DUS2: variants seen among roughly 807,000 people sequenced by gnomAD.
DUS2 encodes tRNA-dihydrouridine(20) synthase [NAD(P)+]-like.
In DUS2, 52 loss-of-function variants were observed where a neutral mutation model predicts 71.3. That is an observed-to-expected ratio of 0.73 (90% confidence interval 0.58 to 0.92). DUS2 has a LOEUF of 0.92. Among genes scored for constraint, DUS2 ranks in the 40% least tolerant of loss-of-function variants. The pLI is 0.00. For synonymous variants in DUS2, 204 were observed against 227.8 expected (o/e 0.90, Z 0.94); for missense variants, 558 against 622.6 (o/e 0.90, Z 1.10).
chr16:68,067,422 C>T lies in DUS2; in HGVS notation c.554+786C>T, dbSNP rs1038450098. 6.8e-5 allele frequency among the ~76,000 whole-genome samples: 10 copies of T among 146,846 alleles called. No homozygotes were observed. The East Asian group carries it at 2.0e-3, about 30-fold the overall frequency. On this transcript the variant is annotated intron_variant, in intron 10 of 16. Coordinates refer to ENST00000565263, the MANE Select transcript of DUS2 (RefSeq NM_017803.5). ...TCAGCCTCCCGAGTAGCTGAGATTACAGGTGCGCTCCACCATGCCCAGCTA... is the reference window on the plus strand; with the variant it reads ...TCAGCCTCCCGAGTAGCTGAGATTATAGGTGCGCTCCACCATGCCCAGCTA...
chr16:68,038,528 G>A (rs915514390), intron 3 of DUS2, among the ~76,000 whole-genome samples: 3 of 151,940 alleles, frequency 2.0e-5, no homozygotes, highest in Non-Finnish European at 2.9e-5. Context: ...TCAGGAGTTC[G>A]AGACCAGTCT....
At chr16:68,065,272 TGCAGGCCCCCCTTAA>T (rs2033989262) in intron 8 of DUS2, among the ~76,000 whole-genome samples, 1 of 152,160 alleles carries the variant, frequency 6.6e-6, no homozygotes, top group African/African-American at 2.4e-5. Context: ...TAAAGAGGAA[TGCAGGCCCCCCTTAA>T]GAGCCTTCCT....
At position 68,038,115 on chromosome 16, in the gene DUS2, C is replaced by A; in HGVS notation, c.92C>A (p.Ala31Asp). Residue 31 changes from alanine (A) to aspartate (D), a missense_variant, in exon 3 of 17, where the codon GCC (alanine) becomes GAC (aspartate). Physicochemically the swap from Ala to Asp is moderately radical, Grantham distance 126. Coordinates refer to ENST00000565263, the MANE Select transcript of DUS2 (RefSeq NM_017803.5). ...GGGACTCTTCCAATGAGGCTGCTGG[C>A]CCTGGATTATGGAGCGGACATTGTT... The part of the protein sequence containing the change: ...RVGTLPMRLL[A>D]LDYGADIVYC... 6.2e-7 allele frequency: 1 copy of A among 1,613,850 alleles called. No individual in the cohort carries two copies. The highest frequency in any genetic ancestry group is 8.5e-7 in the Non-Finnish European group (1 of 1,179,928).
At chr16:68,061,184 C>T (rs2033935839) in intron 8 of DUS2, 71 bp downstream of exon 8, 2 of 1,478,700 alleles carry the variant, frequency 1.4e-6, no homozygotes, top group Non-Finnish European at 1.9e-6. Context: ...AGAACGCCTC[C>T]TTCCACCAAT....
At position 68,023,349 on chromosome 16, in the gene DUS2, G is replaced by T; in HGVS notation, c.-101G>T. ...AGGTTCTTTTTAAGAGTTCAGCTGC[G>T]AGGTCTGTAGCTCCGAATAGGGGAT... On this transcript the variant is annotated splice_region_variant and 5_prime_UTR_variant, in exon 1 of 17. Transcript: ENST00000565263. 1 of 984,516 alleles carries T rather than the reference G, an allele frequency of 1.0e-6. No individual in the cohort carries two copies. Among genetic ancestry groups the T allele is most frequent in the Non-Finnish European group, 1.5e-6 (1 of 677,470 alleles). The allele number at this position is 984,516 out of a possible 1,614,324, so 61.0% of individuals were successfully genotyped here.
chr16:68,039,721 C>G (rs1442416445), intron 3 of DUS2, among the ~76,000 whole-genome samples: 1 of 151,036 alleles, frequency 6.6e-6, no homozygotes, highest in African/African-American at 2.4e-5. Flanking sequence ...GTGCCTGGCC[C>G]CCTGTTTCTT....
At chr16:68,027,343 A>T (rs1347072548) in intron 2 of DUS2, among the ~76,000 whole-genome samples, 1 of 151,070 alleles carries the variant, frequency 6.6e-6, no homozygotes, top group African/African-American at 2.4e-5. Flanking sequence ...GGTTCAAGTG[A>T]TTCTCTTGCC....
At chr16:68,026,967 C>A (rs1409507742) in intron 2 of DUS2, 1 of 149,854 alleles carries the variant, frequency 6.7e-6, no homozygotes, top group South Asian at 2.1e-4. Flanking sequence ...CAGATTATTT[C>A]CTAATCAGTA....
At chr16:68,035,893 TATATATATA>T (rs1199742358) in intron 2 of DUS2, among the ~76,000 whole-genome samples, 1 of 4,112 alleles carries the variant, frequency 2.4e-4, no homozygotes, top group Non-Finnish European at 5.0e-3. Context: ...TTTATATATA[TATATATATA>T]TATATATATA....
chr16:68,052,122 C>T (rs917364009), intron 4 of DUS2, among the ~76,000 whole-genome samples: 4 of 151,588 alleles, frequency 2.6e-5, no homozygotes, highest in African/African-American at 9.7e-5. Flanking sequence ...CCAGGGTGGT[C>T]TCGAACTCCC....
intron 2 of DUS2, among the ~76,000 whole-genome samples, chr16:68,032,227 C>T (rs1364664384): frequency 6.6e-6 from 1 of 152,128 alleles, no homozygotes; most frequent in East Asian, 1.9e-4. Flanking sequence ...GAGGAAGTTG[C>T]CAGACCAACC....
At chr16:68,067,660 CATT>C (rs2034029818) in intron 10 of DUS2, among the ~76,000 whole-genome samples, 1 of 151,656 alleles carries the variant, frequency 6.6e-6, no homozygotes, top group African/African-American at 2.4e-5. Flanking sequence ...ATGTGTTTTT[CATT>C]GTTGTTGTTG....
intron 2 of DUS2, among the ~76,000 whole-genome samples, chr16:68,028,624 A>G (rs1425241747): frequency 1.3e-5 from 2 of 152,150 alleles, no homozygotes; most frequent in Non-Finnish European, 2.9e-5. Flanking sequence ...GGGAGACAGT[A>G]GGAGACTCCG....
intron 2 of DUS2, among the ~76,000 whole-genome samples, chr16:68,034,985 C>G (rs1278230583): frequency 6.6e-6 from 1 of 152,006 alleles, no homozygotes; most frequent in Non-Finnish European, 1.5e-5. Flanking sequence ...GCCTGGGCAA[C>G]AGAGCAAGAC....
intron 8 of DUS2, among the ~76,000 whole-genome samples, chr16:68,064,211 C>A (rs972264376): frequency 6.6e-6 from 1 of 152,196 alleles, no homozygotes; most frequent in Admixed American, 6.5e-5. Context: ...TGTGCTGTTC[C>A]TCTGCTCAAA....
intron 12 of DUS2, among the ~76,000 whole-genome samples, chr16:68,072,964 G>C (rs2034108502): frequency 6.6e-6 from 1 of 152,214 alleles, no homozygotes; most frequent in Admixed American, 6.5e-5. Context: ...GAAGTTAGAG[G>C]CTATTCAAGA....
intron 6 of DUS2, among the ~76,000 whole-genome samples, chr16:68,055,642 G>A (rs143409055): frequency 1.3e-5 from 2 of 151,992 alleles, no homozygotes; most frequent in East Asian, 3.9e-4. Flanking sequence ...CATAGGGAAG[G>A]GTAAATGAAA....
chr16:68,024,704 T>C (rs1387358748), intron 1 of DUS2, among the ~76,000 whole-genome samples: 1 of 152,110 alleles, frequency 6.6e-6, no homozygotes, highest in Admixed American at 6.6e-5. Context: ...CAAGAAAATA[T>C]CTGGAAGTAG....
At chr16:68,045,697 C>G (rs896515500) in intron 3 of DUS2, among the ~76,000 whole-genome samples, 16 of 147,798 alleles carry the variant, frequency 1.1e-4, no homozygotes, top group East Asian at 3.9e-4. Context: ...TTTTTTCTAC[C>G]TAATTGTCCT....
Sources: allele counts gnomAD v4.1 joint callset (sites outside exome capture counted in the v4.1 genomes callset), GRCh38; gene constraint gnomAD v4.1.1; transcripts MANE v1.5; gene names NCBI Gene and HGNC (gene_info 2026-07-23, HGNC 2026-07-21).